DCDC2C: variants seen among roughly 807,000 people sequenced by gnomAD.
DCDC2C encodes doublecortin domain-containing protein 2C.
DCDC2C carries 44 observed loss-of-function variants against 45.0 expected under a neutral mutation model. That is an observed-to-expected ratio of 0.98 (90% CI 0.77 to 1.26). The LOEUF (loss-of-function observed/expected upper bound fraction) is 1.26, where lower values mean the gene tolerates loss of function less well. Ranked by LOEUF, DCDC2C falls within the 50% of genes most tolerant of loss-of-function variation. DCDC2C has a pLI of 0.00. For synonymous variants in DCDC2C, 187 were observed against 178.8 expected (o/e 1.05, Z -0.37); for missense variants, 447 against 468.9 (o/e 0.95, Z 0.43).
Position 3,705,982 on chromosome 2 carries a change from G to A in DCDC2C, c.287+1944G>A, listed in dbSNP as rs1668055419. 2.6e-5 allele frequency among the ~76,000 whole-genome samples: 4 copies of A among 152,144 alleles called. No individual in the cohort carries two copies. The South Asian group carries it at 6.2e-4, about 24-fold the overall frequency. ...TAGATGAGCCATGTCTGCATGTGAA[G>A]TTCAACATAGAGAGCACGTGGGGTT... is the stretch of plus-strand genomic sequence containing the variant. On this transcript the variant is annotated intron_variant, in intron 1 of 10. Transcript: ENST00000399143.
chr2:3,704,757 A>G (rs1668016918), intron 1 of DCDC2C, among the ~76,000 whole-genome samples: 1 of 123,972 alleles, frequency 8.1e-6, no homozygotes, highest in East Asian at 2.4e-4. Flanking sequence ...GGGCCTGGGA[A>G]TGGGGCGGGT....
chr2:3,825,821 C>G (rs147203409), intron 10 of DCDC2C, among the ~76,000 whole-genome samples: 5 of 152,122 alleles, frequency 3.3e-5, no homozygotes, highest in Non-Finnish European at 7.4e-5. Flanking sequence ...AGGGTTAGCC[C>G]GGCTCTCGTG....
chr2:3,806,161 C>G (rs973067351), intron 10 of DCDC2C, among the ~76,000 whole-genome samples: 3 of 152,106 alleles, frequency 2.0e-5, no homozygotes, highest in African/African-American at 4.8e-5. Flanking sequence ...AAGTCCTGTT[C>G]CCTGATGAAT....
chr2:3,741,909 T>G lies in DCDC2C; in HGVS notation c.417-11T>G, dbSNP rs1299300635. On this transcript the variant is annotated splice_polypyrimidine_tract_variant and intron_variant, in intron 3 of 10. Coordinates refer to ENST00000399143, the MANE Select transcript of DCDC2C (RefSeq NM_001287444.2). ...AGGTATTAATGGATGCTTTTCTTTT[T>G]ATTCTTACAGTGTTTTTACAAATGG... The G allele has an allele frequency of 1.3e-6, 2 of 1,540,738 alleles. No homozygotes were observed. The highest frequency in any genetic ancestry group is 2.0e-5 in the Admixed American group (1 of 48,856).
intron 3 of DCDC2C, among the ~76,000 whole-genome samples, chr2:3,730,995 C>T (rs1317519958): frequency 6.6e-6 from 1 of 152,204 alleles, no homozygotes; most frequent in African/African-American, 2.4e-5. Flanking sequence ...CGAACACCTC[C>T]CTGGTTTCCA....
intron 10 of DCDC2C, among the ~76,000 whole-genome samples, chr2:3,819,007 T>C (rs570803484): frequency 6.6e-6 from 1 of 152,252 alleles, no homozygotes; most frequent in East Asian, 1.9e-4. Context: ...ACAACAGCTA[T>C]GGAAGCAAGG....
intron 10 of DCDC2C, among the ~76,000 whole-genome samples, chr2:3,823,454 GGTAGA>G (rs1406013101): frequency 2.0e-5 from 3 of 152,012 alleles, no homozygotes; most frequent in Non-Finnish European, 4.4e-5. Context: ...GCTGTTGTTG[GGTAGA>G]GTAGAGTGTC....
chr2:3,804,124 A>G (rs537320566), intron 10 of DCDC2C, among the ~76,000 whole-genome samples: 50 of 152,310 alleles, frequency 3.3e-4, no homozygotes, highest in Admixed American at 5.2e-4. Context: ...TGCAGAGACC[A>G]CACCTTATAT....
chr2:3,756,585 C>T (rs1036826911), intron 6 of DCDC2C, among the ~76,000 whole-genome samples: 4 of 152,254 alleles, frequency 2.6e-5, no homozygotes, highest in Non-Finnish European at 4.4e-5. Context: ...GCCTGCACTT[C>T]CTCTGCACTT....
At chr2:3,708,747 A>C (rs996490277) in intron 2 of DCDC2C, 147 bp downstream of exon 2, 2 of 639,524 alleles carry the variant, frequency 3.1e-6, no homozygotes, top group Non-Finnish European at 5.4e-6. Flanking sequence ...CACACTGTGC[A>C]AGCTTGTCAT....
chr2:3,842,205 G>A (rs1672230584), intron 10 of DCDC2C, among the ~76,000 whole-genome samples: 1 of 152,302 alleles, frequency 6.6e-6, no homozygotes, highest in Non-Finnish European at 1.5e-5. Flanking sequence ...AGAAGCTCAT[G>A]TGAATTGGGG....
At chr2:3,753,720 C>T (rs1396862826) in intron 5 of DCDC2C, among the ~76,000 whole-genome samples, 2 of 152,180 alleles carry the variant, frequency 1.3e-5, no homozygotes, top group East Asian at 1.9e-4. Flanking sequence ...AGCACATCAG[C>T]ACGAGTGCTT....
intron 10 of DCDC2C, among the ~76,000 whole-genome samples, chr2:3,788,786 CTT>C (rs1346542624): frequency 4.3e-5 from 4 of 92,284 alleles, no homozygotes; most frequent in African/African-American, 1.6e-4. Flanking sequence ...GTTTCCCTTT[CTT>C]CCTCCCTTCC....
chr2:3,729,215 C>T (rs1668787890), intron 3 of DCDC2C, among the ~76,000 whole-genome samples: 1 of 152,184 alleles, frequency 6.6e-6, no homozygotes, highest in African/African-American at 2.4e-5. Flanking sequence ...GGACTCCCTG[C>T]CCTTTACAGG....
intron 8 of DCDC2C, among the ~76,000 whole-genome samples, chr2:3,776,534 A>G (rs1670342991): frequency 6.6e-6 from 1 of 152,128 alleles, no homozygotes; most frequent in Non-Finnish European, 1.5e-5. Flanking sequence ...TGGCAAGAGA[A>G]TCTCGTCAAA....
chr2:3,704,703 A>AG (rs1323428702), intron 1 of DCDC2C, among the ~76,000 whole-genome samples: 1 of 3,514 alleles, frequency 2.8e-4, no homozygotes, highest in African/African-American at 1.7e-3. Flanking sequence ...AGTGTAGGGG[A>AG]GGGGGAGGGG....
chr2:3,733,614 G>A (rs766084419), intron 3 of DCDC2C, among the ~76,000 whole-genome samples: 3 of 152,222 alleles, frequency 2.0e-5, no homozygotes, highest in African/African-American at 4.8e-5. Flanking sequence ...GGTGTCTGGC[G>A]AGGGGTGTTC....
At chr2:3,831,375 G>A (rs56303781) in intron 10 of DCDC2C, among the ~76,000 whole-genome samples, 13,124 of 152,170 alleles carry the variant, frequency 0.086, 991 homozygotes, top group East Asian at 0.43. Context: ...TGCACACCTC[G>A]GCTATGTGGT....
intron 10 of DCDC2C, among the ~76,000 whole-genome samples, chr2:3,789,709 G>C (rs1156947549): frequency 1.3e-5 from 2 of 152,064 alleles, no homozygotes; most frequent in Non-Finnish European, 2.9e-5. Context: ...CTTCTTTCCT[G>C]TCCAGGGGTA....
Sources: allele counts gnomAD v4.1 joint callset (sites outside exome capture counted in the v4.1 genomes callset), GRCh38; gene constraint gnomAD v4.1.1; transcripts MANE v1.5; gene names NCBI Gene and HGNC (gene_info 2026-07-23, HGNC 2026-07-21).